The following RICTOR variants were observed in gnomAD, a reference collection of about 807,000 sequenced individuals.
RICTOR encodes the protein RPTOR independent companion of MTOR complex 2, also known as rapamycin-insensitive companion of mTOR.
A neutral mutation model predicts 214.9 loss-of-function variants in RICTOR; 49 were observed. The ratio of observed to expected loss-of-function variants is 0.23; its 90% CI spans 0.18 to 0.29. The LOEUF (loss-of-function observed/expected upper bound fraction) is 0.29, where lower values mean the gene tolerates loss of function less well. RICTOR is among the 10% of genes least tolerant of loss of function. The probability of loss-of-function intolerance (pLI) is 1.00; values close to 1 mark genes in which losing one functional copy is unlikely to be tolerated. For synonymous variants in RICTOR, 717 were observed against 711.3 expected (o/e 1.01, Z -0.13); for missense variants, 1,625 against 2,047.0 (o/e 0.79, Z 3.98).
intron 2 of RICTOR, among the ~76,000 whole-genome samples, 200 bp from the exon 3 acceptor site, chr5:39,021,336 T>G (rs1430962965): frequency 6.6e-6 from 1 of 152,210 alleles, no homozygotes; most frequent in African/African-American, 2.4e-5. Flanking sequence ...CCTGTACCCA[T>G]GGTCCAGCTC....
rs1474579618 is a variant in RICTOR, at chr5:38,962,925, T to C, written c.1517A>G (p.Gln506Arg). 6.2e-7 allele frequency: 1 copy of C among 1,613,040 alleles called. No homozygotes were observed. Among genetic ancestry groups the C allele is most frequent in the Non-Finnish European group, 8.5e-7 (1 of 1,179,126 alleles). The change falls in exon 17 of 38, where the codon CAG (glutamine) becomes CGG (arginine). Residue 506 changes from glutamine (Q) to arginine (R), a missense_variant. Gln to Arg is a conservative substitution (Grantham distance 43). Around this residue, in one of 5 missense-constraint regions of RICTOR, gnomAD observed 1,214 missense variants for 1,470.5 expected, o/e 0.83. Coordinates refer to ENST00000357387, the MANE Select transcript of RICTOR (RefSeq NM_152756.5). The stretch of plus-strand genomic sequence containing the variant: ...AACTCGGAGATACTGATCCCGTTTC[T>C]GGTGTGTTGCAATTGCTTTCTGAAT... ...HIIQKAIATH[Q>R]KRDQYLRVQK... is the part of the protein sequence containing the mutation.
At chr5:39,021,168 T>G (rs371186547) in intron 2 of RICTOR, 32 bp from the exon 3 acceptor site, 8 of 1,127,998 alleles carry the variant, frequency 7.1e-6, no homozygotes, top group African/African-American at 3.0e-5. Flanking sequence ...TTTAACACAA[T>G]TTTATGAGTA....
intron 7 of RICTOR, among the ~76,000 whole-genome samples, chr5:38,990,308 C>A (rs1028807831): frequency 4.6e-5 from 7 of 151,052 alleles, no homozygotes; most frequent in African/African-American, 1.7e-4. Flanking sequence ...CACATGGACA[C>A]AGGGAGAGGA....
At chr5:39,038,628 G>T (rs1756925112) in intron 2 of RICTOR, among the ~76,000 whole-genome samples, 1 of 152,146 alleles carries the variant, frequency 6.6e-6, no homozygotes, top group Admixed American at 6.5e-5. Flanking sequence ...AAAGTCTCAG[G>T]ATACAAAATC....
chr5:39,066,577 T>G (rs1297684462), intron 2 of RICTOR, among the ~76,000 whole-genome samples: 1 of 152,226 alleles, frequency 6.6e-6, no homozygotes, highest in African/African-American at 2.4e-5. Flanking sequence ...GCCACATGGC[T>G]AGGCTGCAAA....
chr5:39,037,068 T>G (rs879710384), intron 2 of RICTOR, among the ~76,000 whole-genome samples: 7 of 152,118 alleles, frequency 4.6e-5, no homozygotes, highest in Non-Finnish European at 1.0e-4. Flanking sequence ...TAGTTGGAAG[T>G]AAAGCACTCC....
In RICTOR at chr5:38,942,272, AGTAT is replaced by A. The variant is rs1247270211; in HGVS notation, c.*28_*31del. 7.9e-7 allele frequency: 1 copy of A among 1,269,022 alleles called. No homozygotes were observed. Among genetic ancestry groups the A allele is most frequent in the Non-Finnish European group, 1.1e-6 (1 of 886,036 alleles). The allele number at this position is 1,269,022 out of a possible 1,614,324, so 78.6% of individuals were successfully genotyped here. On this transcript the variant is annotated 3_prime_UTR_variant, in exon 38 of 38. Coordinates refer to ENST00000357387, the MANE Select transcript of RICTOR (RefSeq NM_152756.5). ...GAAATCCACAAATATGAATATATAT[AGTAT>A]GTATCTATATCCATCATAAATATGA...
intron 10 of RICTOR, 81 bp from the exon 11 acceptor site, chr5:38,972,040 T>C (rs1432246273): frequency 2.1e-5 from 13 of 622,988 alleles, no homozygotes; most frequent in Non-Finnish European, 3.7e-5. Context: ...ATAAAACTTG[T>C]CATATTTTTC....
intron 7 of RICTOR, among the ~76,000 whole-genome samples, 175 bp downstream of exon 7, chr5:38,990,765 GATATATGAT>G (rs1284786915): frequency 0.033 from 608 of 18,194 alleles, 169 homozygotes; most frequent in African/African-American, 0.085. Context: ...ATATATATGA[GATATATGAT>G]ATATATGAGA....
In RICTOR at chr5:38,955,681, G is replaced by C; in HGVS notation, c.2523C>G (p.Asp841Glu). The C allele has an allele frequency of 6.3e-7, 1 of 1,599,744 alleles. No homozygotes were observed. Among genetic ancestry groups the C allele is most frequent in the Non-Finnish European group, 8.6e-7 (1 of 1,166,952 alleles). Residue 841 changes from aspartate (D) to glutamate (E), a missense_variant, in exon 26 of 38, where the codon GAC becomes GAG. By Grantham distance (45) the Asp-to-Glu change is conservative. This residue lies in a region of RICTOR where 1,214 missense variants were observed against 1,470.5 expected (regional missense o/e 0.83). Transcript: ENST00000357387. ...WHREYNSKYV[D>E]LIEEQLNEAL... ...CTTCATTGAGTTGTTCCTCAATCAA[G>C]TCAACATATTTGGAGTTGTATTCCT...
chr5:38,955,636 C>T lies in RICTOR; in HGVS notation c.2568G>A (p.Lys856=), dbSNP rs376779294. The T allele has an allele frequency of 1.2e-6, 2 of 1,611,026 alleles. No individual in the cohort carries two copies. Among genetic ancestry groups the T allele is most frequent in the Non-Finnish European group, 1.7e-6 (2 of 1,177,406 alleles). ...QLNEALTTYR[K]PVDGDNYVRR... ...GAACATAGTTATCACCATCAACAGG[C>T]TTCCGGTAAGTAGTAAGTGCTTCAT... Residue 856 remains lysine, a synonymous_variant, in exon 26 of 38, where the codon AAG becomes AAA. Coordinates refer to ENST00000357387, the MANE Select transcript of RICTOR (RefSeq NM_152756.5).
At chr5:39,074,029 G>C (rs1247114957) in intron 2 of RICTOR, 82 bp downstream of exon 2, 4 of 1,048,964 alleles carry the variant, frequency 3.8e-6, no homozygotes, top group Non-Finnish European at 5.1e-6. Context: ...TGCGGGGCCC[G>C]CCCCTGCCTC....
chr5:39,074,156 G>T lies in RICTOR; in HGVS notation c.52C>A (p.Arg18=). 1 of 1,588,206 alleles carries T rather than the reference G, an allele frequency of 6.3e-7. No homozygotes were observed. Among genetic ancestry groups the T allele is most frequent in the Non-Finnish European group, 8.6e-7 (1 of 1,169,018 alleles). ...RSLKNLRVRG[R]NDSGEENVPL... Reference sequence around the variant, plus strand: ...ACGTTCTCCTCGCCGCTGTCATTCCGCCCTGCGCGAAACAGACACACAGCC... The same window carrying T: ...ACGTTCTCCTCGCCGCTGTCATTCCTCCCTGCGCGAAACAGACACACAGCC... Residue 18 remains arginine, a splice_region_variant and synonymous_variant, in exon 2 of 38, where the codon CGG becomes AGG. Coordinates refer to ENST00000357387, the MANE Select transcript of RICTOR (RefSeq NM_152756.5).
intron 9 of RICTOR, among the ~76,000 whole-genome samples, chr5:38,977,838 C>T (rs761611291): frequency 1.3e-5 from 2 of 151,934 alleles, no homozygotes; most frequent in East Asian, 1.9e-4. Flanking sequence ...CCACCCGCCT[C>T]GGCCTCCCAA....
intron 5 of RICTOR, among the ~76,000 whole-genome samples, chr5:38,998,417 C>T (rs1292113476): frequency 6.6e-6 from 1 of 152,084 alleles, no homozygotes; most frequent in African/African-American, 2.4e-5. Context: ...AAACTCCTGG[C>T]CTCAAGTGAT....
rs745508964 is a variant in RICTOR at position 38,944,989 on chromosome 5, C to G, written c.4713G>C (p.Ser1571=). Reference sequence around the variant, plus strand: ...CCCCATCACTGCATCCAGAAATCCCCGAAAACTTAGAGGGAACCACTTCTA... The same window carrying G: ...CCCCATCACTGCATCCAGAAATCCCGGAAAACTTAGAGGGAACCACTTCTA... The part of the protein sequence containing the change: ...NPLEVVPSKF[S]GISGCSDGVS... Residue 1571 remains serine, a synonymous_variant, in exon 35 of 38, where the codon TCG becomes TCC. Transcript: ENST00000357387. The G allele has an allele frequency of 6.2e-7, 1 of 1,613,544 alleles. No homozygotes were observed. Among genetic ancestry groups the G allele is most frequent in the East Asian group, 2.2e-5 (1 of 44,870 alleles).
intron 3 of RICTOR, among the ~76,000 whole-genome samples, chr5:39,010,530 G>A (rs1754427475): frequency 6.6e-6 from 1 of 152,188 alleles, no homozygotes; most frequent in Non-Finnish European, 1.5e-5. Context: ...AGAGGAAAAT[G>A]TGGGAAAGCT....
chr5:38,946,483 C>A lies in RICTOR; in HGVS notation c.4384G>T (p.Ala1462Ser). The change falls in exon 33 of 38, where the codon GCC (alanine) becomes TCC (serine). Residue 1462 changes from alanine to serine, a missense_variant. Physicochemically the swap from Ala to Ser is moderately conservative, Grantham distance 99. This residue lies in a region of RICTOR where 1,214 missense variants were observed against 1,470.5 expected (regional missense o/e 0.83). Transcript: ENST00000357387. The part of the protein sequence containing the change: ...PHDDRGARAF[A>S]HDAGGLPSGT... ...AATGCATTACCTCCTGCATCATGGG[C>A]AAATGCTCTTGCACCTCGATCATCA... 6.2e-7 allele frequency: 1 copy of A among 1,608,274 alleles called. No individual in the cohort carries two copies. Among genetic ancestry groups the A allele is most frequent in the Non-Finnish European group, 8.5e-7 (1 of 1,174,894 alleles).
chr5:39,013,144 T>G (rs1754672798), intron 3 of RICTOR, among the ~76,000 whole-genome samples: 1 of 152,202 alleles, frequency 6.6e-6, no homozygotes, highest in Non-Finnish European at 1.5e-5. Context: ...TTTCTTTATA[T>G]TTTAGCTAAG....
Sources: allele counts gnomAD v4.1 joint callset (sites outside exome capture counted in the v4.1 genomes callset), GRCh38; gene constraint gnomAD v4.1.1; regional missense constraint gnomAD v4.1.1; transcripts MANE v1.5; gene names NCBI Gene and HGNC (gene_info 2026-07-23, HGNC 2026-07-21).